The following PYY variants were observed in gnomAD, a reference collection of about 807,000 sequenced individuals.
PYY encodes the protein peptide tyrosine tyrosine.
In PYY, 12 loss-of-function variants were observed where a neutral mutation model predicts 10.3. The observed-to-expected ratio is 1.17, with a 90% CI of 0.75 to 1.89. PYY has a LOEUF of 1.89. PYY is among the 40% of genes most tolerant of loss of function. The pLI is 0.00. For missense variants in PYY, 141 were observed against 134.0 expected, an observed-to-expected ratio of 1.05 and a Z score of -0.26; for synonymous variants, 66 against 62.0, an observed-to-expected ratio of 1.06 and a Z score of -0.30.
intron 1 of PYY, among the ~76,000 whole-genome samples, chr17:43,984,710 G>A (rs191990642): frequency 6.6e-6 from 1 of 152,348 alleles, no homozygotes; most frequent in Admixed American, 6.5e-5. Flanking sequence ...CAGCCTGGAA[G>A]GCCCATACCA....
At chr17:43,975,288 G>A (rs1464915023) in intron 1 of PYY, among the ~76,000 whole-genome samples, 6 of 152,148 alleles carry the variant, frequency 3.9e-5, no homozygotes, top group Non-Finnish European at 1.5e-5. Flanking sequence ...GGAGTCAGAT[G>A]TTCTGGGTTT....
intron 1 of PYY, among the ~76,000 whole-genome samples, chr17:43,978,539 G>A (rs556435618): frequency 6.6e-6 from 1 of 152,160 alleles, no homozygotes; most frequent in African/African-American, 2.4e-5. Context: ...CATCTTTCAT[G>A]GCTTCCATCA....
chr17:43,964,093 C>T (rs1350039404), intron 2 of PYY, among the ~76,000 whole-genome samples: 1 of 152,168 alleles, frequency 6.6e-6, no homozygotes, highest in Non-Finnish European at 1.5e-5. Flanking sequence ...TCTTGCTCTG[C>T]CATCCGGGCT....
chr17:44,002,022 G>C (rs893600310), intron 1 of PYY, among the ~76,000 whole-genome samples: 1 of 152,190 alleles, frequency 6.6e-6, no homozygotes, highest in Non-Finnish European at 1.5e-5. Context: ...GGGCCTGAGA[G>C]TAAAGAGGGA....
chr17:43,963,624 A>AAGAAAGAAAGAAAGAG (rs1364420978), intron 2 of PYY, among the ~76,000 whole-genome samples: 5 of 55,296 alleles, frequency 9.0e-5, no homozygotes, highest in African/African-American at 2.1e-4. Context: ...GAAAGAAAGA[A>AAGAAAGAAAGAAAGAG]AGAGAAAGAA....
intron 2 of PYY, among the ~76,000 whole-genome samples, chr17:43,964,734 C>T (rs551400193): frequency 1.7e-4 from 26 of 152,126 alleles, no homozygotes; most frequent in African/African-American, 4.8e-4. Flanking sequence ...ACCCGGGAGG[C>T]GGAGTTTACG....
chr17:43,955,073 T>C (rs931227510), upstream of PYY, among the ~76,000 whole-genome samples: 6 of 152,212 alleles, frequency 3.9e-5, no homozygotes, highest in South Asian at 4.1e-4. Flanking sequence ...GGAGTAGCCA[T>C]TGGGGCGCCA....
chr17:43,967,881 G>T (rs766504828), intron 1 of PYY, among the ~76,000 whole-genome samples: 3 of 152,162 alleles, frequency 2.0e-5, no homozygotes, highest in Non-Finnish European at 4.4e-5. Flanking sequence ...GGGCACTGGG[G>T]CTACGAGAGG....
chr17:43,984,659 T>C (rs1024814923), intron 1 of PYY, among the ~76,000 whole-genome samples: 1 of 152,134 alleles, frequency 6.6e-6, no homozygotes, highest in African/African-American at 2.4e-5. Flanking sequence ...GACACCAGCG[T>C]GTTAGCCCCA....
chr17:43,963,936 C>T (rs927569349), intron 2 of PYY, among the ~76,000 whole-genome samples: 3 of 152,000 alleles, frequency 2.0e-5, no homozygotes, highest in African/African-American at 7.2e-5. Flanking sequence ...TTGCTTGAGC[C>T]GAGATCAAGG....
Position 44,002,065 on chromosome 17 carries a change from G to C in PYY, c.-463+2326C>G, listed in dbSNP as rs547117008. ...GAAGGCCCTGGAGGTGGCCCCACCA[G>C]GTAGGGGGTGCAGCCCCTCCACGCC... On this transcript the variant is annotated intron_variant, in intron 1 of 6. Transcript: ENST00000360085. Among the ~76,000 whole-genome samples the C allele has an allele frequency of 3.3e-5, 5 of 152,296 alleles. No individual in the cohort carries two copies. In the South Asian group the frequency reaches 1.0e-3, roughly 32 times the overall value.
intron 1 of PYY, among the ~76,000 whole-genome samples, chr17:43,979,085 C>G (rs2048866938): frequency 6.6e-6 from 1 of 152,168 alleles, no homozygotes; most frequent in African/African-American, 2.4e-5. Flanking sequence ...ATCTCTGAAC[C>G]ACCAAAAGGC....
chr17:43,969,376 C>T (rs1409132929), intron 1 of PYY, among the ~76,000 whole-genome samples: 1 of 151,150 alleles, frequency 6.6e-6, no homozygotes, highest in African/African-American at 2.4e-5. Flanking sequence ...ATTAGCTGGG[C>T]CGTGGTGGCG....
At chr17:43,990,628 T>G (rs1403274528) in intron 1 of PYY, among the ~76,000 whole-genome samples, 2 of 151,976 alleles carry the variant, frequency 1.3e-5, no homozygotes, top group Non-Finnish European at 2.9e-5. Context: ...AGGCACAAAA[T>G]GTACACCACA....
intron 1 of PYY, among the ~76,000 whole-genome samples, chr17:43,988,123 G>C (rs1192441327): frequency 6.6e-6 from 1 of 152,056 alleles, no homozygotes; most frequent in Non-Finnish European, 1.5e-5. Context: ...GAGCCACCAA[G>C]TCAGGAGGAA....
intron 1 of PYY, among the ~76,000 whole-genome samples, chr17:43,969,346 T>A (rs552751627): frequency 8.6e-5 from 13 of 151,782 alleles, no homozygotes; most frequent in African/African-American, 2.9e-4. Context: ...TGAAACCCTG[T>A]CTCTACTAAA....
intron 1 of PYY, among the ~76,000 whole-genome samples, chr17:43,968,484 A>C (rs2048768701): frequency 1.3e-5 from 2 of 152,198 alleles, no homozygotes; most frequent in Non-Finnish European, 2.9e-5. Flanking sequence ...ACAGATCAAT[A>C]TCTCTCATGG....
Position 43,968,329 on chromosome 17 carries a change from G to A in PYY, c.-462-1797C>T, listed in dbSNP as rs575939509. Reference sequence around the variant, plus strand: ...AATCATAGGAAGTGTGCAGTAGAGCGGGATAACTAAAGAAGAAATAACACT... The same window carrying A: ...AATCATAGGAAGTGTGCAGTAGAGCAGGATAACTAAAGAAGAAATAACACT... On this transcript the variant is annotated intron_variant, in intron 1 of 6. Coordinates refer to the PYY transcript ENST00000360085. Among the ~76,000 whole-genome samples, 255 of 152,204 alleles carry A rather than the reference G, an allele frequency of 1.7e-3. 1 individual carries two copies. The highest frequency in any genetic ancestry group is 5.5e-3 in the African/African-American group (230 of 41,526).
At chr17:43,973,624 GTC>G (rs2048810178) in intron 1 of PYY, among the ~76,000 whole-genome samples, 1 of 152,004 alleles carries the variant, frequency 6.6e-6, no homozygotes, top group African/African-American at 2.4e-5. Context: ...GTGAAACCCC[GTC>G]TCTACTAAAA....
Sources: allele counts gnomAD v4.1 joint callset (sites outside exome capture counted in the v4.1 genomes callset), GRCh38; gene constraint gnomAD v4.1.1; transcripts MANE v1.5; gene names NCBI Gene and HGNC (gene_info 2026-07-23, HGNC 2026-07-21).